VEZT: variants seen among roughly 807,000 people sequenced by gnomAD.
VEZT encodes vezatin, adherens junctions transmembrane protein, also known as vezatin.
In VEZT, 39 loss-of-function variants were observed where a neutral mutation model predicts 79.9. The ratio of observed to expected loss-of-function variants is 0.49; its 90% CI spans 0.38 to 0.64. VEZT has a LOEUF of 0.64. Among genes scored for constraint, VEZT ranks in the 30% least tolerant of loss-of-function variants. VEZT has a pLI of 0.00. For synonymous variants in VEZT, 325 were observed against 327.6 expected, an observed-to-expected ratio of 0.99 and a Z score of 0.09; for missense variants, 837 against 893.1, an observed-to-expected ratio of 0.94 and a Z score of 0.80.
At chr12:95,270,253 A>C (rs769744705) in intron 6 of VEZT, 65 bp downstream of exon 6, 104 of 1,457,068 alleles carry the variant, frequency 7.1e-5, no homozygotes, top group Non-Finnish European at 9.2e-5. Flanking sequence ...TAGATATTAT[A>C]GTTGTATCCT....
intron 7 of VEZT, among the ~76,000 whole-genome samples, chr12:95,277,474 ATG>A (rs1156419794): frequency 6.6e-6 from 1 of 152,102 alleles, no homozygotes; most frequent in African/African-American, 2.4e-5. Context: ...AAAAAAAAAA[ATG>A]AGGAGAAAAT....
chr12:95,282,030 C>T (rs959707560), intron 7 of VEZT, among the ~76,000 whole-genome samples: 1 of 151,954 alleles, frequency 6.6e-6, no homozygotes, highest in Non-Finnish European at 1.5e-5. Context: ...TGAAGATTCA[C>T]TTTTACTAAA....
chr12:95,235,280 C>G (rs1313613791), intron 1 of VEZT, among the ~76,000 whole-genome samples: 1 of 103,312 alleles, frequency 9.7e-6, no homozygotes, highest in African/African-American at 3.6e-5. Flanking sequence ...GCTGGCCGGG[C>G]GGGGGCTGAC....
chr12:95,262,185 T>G (rs568278108), intron 3 of VEZT: 1 of 152,354 alleles, frequency 6.6e-6, no homozygotes, highest in East Asian at 1.9e-4. Context: ...ACTCTAGGTG[T>G]ATTTCATCAC....
intron 5 of VEZT, 101 bp downstream of exon 5, chr12:95,266,733 A>C: frequency 7.9e-7 from 1 of 1,258,142 alleles, no homozygotes; most frequent in Non-Finnish European, 1.1e-6. Context: ...TTTATAGGAA[A>C]AAAAAGTGCT....
chr12:95,232,156 C>G (rs1449417753), intron 1 of VEZT, among the ~76,000 whole-genome samples: 1 of 152,098 alleles, frequency 6.6e-6, no homozygotes, highest in African/African-American at 2.4e-5. Context: ...TAGCTTTAAG[C>G]TATATTCAAA....
At chr12:95,291,517 TG>T (rs1211218163) in intron 9 of VEZT, among the ~76,000 whole-genome samples, 3 of 152,234 alleles carry the variant, frequency 2.0e-5, no homozygotes, top group Non-Finnish European at 4.4e-5. Flanking sequence ...GCAGGCCATA[TG>T]GTGTCTGTTA....
chr12:95,275,198 A>G (rs1451587180), intron 7 of VEZT, among the ~76,000 whole-genome samples: 6 of 152,212 alleles, frequency 3.9e-5, no homozygotes, highest in African/African-American at 1.4e-4. Context: ...ATAACTAGCC[A>G]TTTGTTTCAA....
rs140000740 is a variant in VEZT, at chr12:95,239,948, A to AAGAGAGAG, written c.37-11965_37-11958dup. 5.7e-3 allele frequency among the ~76,000 whole-genome samples: 681 copies of AAGAGAGAG among 119,950 alleles called. 4 individuals carry two copies. Among genetic ancestry groups the AAGAGAGAG allele is most frequent in the Non-Finnish European group, 8.1e-3 (476 of 58,490 alleles). 78.7% of individuals were successfully genotyped at this position (119,950 alleles called of 152,430 possible). A position where few individuals can be genotyped will look rare whatever the true frequency, so the allele number is the denominator to read the frequency against. ...GCCTGAGCAACAGAGGGAGACTCGA[A>AAGAGAGAG]AGAGAGAGAGAGAGAGAGAGAGAGA... On this transcript the variant is annotated intron_variant, in intron 1 of 11. Transcript: ENST00000436874.
At chr12:95,265,284 G>C (rs1395966789) in intron 4 of VEZT, among the ~76,000 whole-genome samples, 1 of 151,890 alleles carries the variant, frequency 6.6e-6, no homozygotes, top group Non-Finnish European at 1.5e-5. Context: ...TTCAATTAAA[G>C]TAGTATAAAA....
In VEZT at chr12:95,217,921, T is replaced by G. The variant is rs764453563; in HGVS notation, c.36+35T>G. 3 of 1,475,660 alleles carry G rather than the reference T, an allele frequency of 2.0e-6. No individual in the cohort carries two copies. In the South Asian group the frequency reaches 4.1e-5, roughly 20 times the overall value. 91.4% of individuals were successfully genotyped at this position (1,475,660 alleles called of 1,614,324 possible). Reference sequence around the variant, plus strand: ...AAATGGCGGTGGGTGTGGATTGCCTTTGTTTGAGAAGGACGAGACGGAAAT... The same window carrying G: ...AAATGGCGGTGGGTGTGGATTGCCTGTGTTTGAGAAGGACGAGACGGAAAT... On this transcript the variant is annotated intron_variant, in intron 1 of 11. Coordinates refer to ENST00000436874, the MANE Select transcript of VEZT (RefSeq NM_017599.4).
At chr12:95,237,134 C>G (rs1351016107) in intron 1 of VEZT, among the ~76,000 whole-genome samples, 1 of 152,108 alleles carries the variant, frequency 6.6e-6, no homozygotes, top group Non-Finnish European at 1.5e-5. Context: ...GGGTAGGTAA[C>G]AGCACTGAAT....
chr12:95,272,381 T>C (rs181717676), intron 6 of VEZT, among the ~76,000 whole-genome samples: 2 of 152,250 alleles, frequency 1.3e-5, no homozygotes, highest in Admixed American at 1.3e-4. Context: ...GCTGGTTAGA[T>C]AGACCAGTGA....
intron 11 of VEZT, 29 bp downstream of exon 11, chr12:95,296,287 A>G (rs1407225754): frequency 6.5e-7 from 1 of 1,533,696 alleles, no homozygotes; most frequent in Admixed American, 2.1e-5. Context: ...GTAACAGGTT[A>G]TTTCAATGTA....
chr12:95,276,429 C>G (rs2067789294), intron 7 of VEZT, among the ~76,000 whole-genome samples: 1 of 151,468 alleles, frequency 6.6e-6, no homozygotes, highest in African/African-American at 2.4e-5. Context: ...GCCTCCACAC[C>G]CGGCTAATTT....
chr12:95,226,398 A>AT (rs11309270), intron 1 of VEZT, among the ~76,000 whole-genome samples: 24,424 of 147,912 alleles, frequency 0.17, 1,997 homozygotes, highest in Admixed American at 0.2. Context: ...TTTAACTGTG[A>AT]TTTTTTTTTT....
At chr12:95,264,538 G>A (rs908085084) in intron 4 of VEZT, among the ~76,000 whole-genome samples, 2 of 152,092 alleles carry the variant, frequency 1.3e-5, no homozygotes, top group African/African-American at 4.8e-5. Flanking sequence ...CTAGACTCAA[G>A]TGATCCTCCT....
At chr12:95,295,460 G>A (rs1394554493) in intron 10 of VEZT, among the ~76,000 whole-genome samples, 1 of 151,990 alleles carries the variant, frequency 6.6e-6, no homozygotes. Context: ...GCGCCCGGCT[G>A]GTGCCTGCTT....
chr12:95,263,058 C>T lies in VEZT; in HGVS notation c.411C>T (p.Cys137=). The T allele has an allele frequency of 6.2e-7, 1 of 1,610,030 alleles. No homozygotes were observed. Among genetic ancestry groups the T allele is most frequent in the Non-Finnish European group, 8.5e-7 (1 of 1,176,976 alleles). The change falls in exon 4 of 12, where the codon TGC becomes TGT. Residue 137 remains cysteine, a synonymous_variant. Coordinates refer to ENST00000436874, the MANE Select transcript of VEZT (RefSeq NM_017599.4). ...QQENGHLPTL[C]SLATPNIWDL... The stretch of plus-strand genomic sequence containing the variant: ...AAAATGGACACCTTCCAACACTTTG[C>T]TCCCTGGCAACCCCTAATATTTGGT...
Sources: gnomAD v4.1 joint callset for allele counts (sites outside exome capture counted in the v4.1 genomes callset) on GRCh38, gnomAD v4.1.1 for gene constraint, MANE v1.5 for transcripts, NCBI Gene and HGNC (gene_info 2026-07-23, HGNC 2026-07-21) for gene names.